Variants in DOCK11 observed in about 807,000 individuals in gnomAD.
The protein encoded by DOCK11 is dedicator of cytokinesis protein 11.
Under a neutral mutation model 169.1 loss-of-function variants are expected in DOCK11, and 70 were observed. The ratio of observed to expected loss-of-function variants is 0.41; its 90% confidence interval spans 0.34 to 0.51. The LOEUF is 0.51. Among genes scored for constraint, DOCK11 ranks in the 20% least tolerant of loss-of-function variants. DOCK11 has a pLI of 0.10. For synonymous variants in DOCK11, 529 were observed against 541.3 expected, an observed-to-expected ratio of 0.98 and a Z score of 0.32; for missense variants, 1,166 against 1,538.8, an observed-to-expected ratio of 0.76 and a Z score of 4.05.
chrX:118,503,300 A>G (rs907762122), intron 1 of DOCK11, among the ~76,000 whole-genome samples: 5 of 110,967 alleles, frequency 4.5e-5, no homozygotes, highest in Non-Finnish European at 9.4e-5. Flanking sequence ...ACCTCAGGTG[A>G]TCCACCCACC....
At chrX:118,667,844 C>T (rs989508483) in intron 45 of DOCK11, among the ~76,000 whole-genome samples, 1 of 111,124 alleles carries the variant, frequency 9.0e-6, no homozygotes, top group Non-Finnish European at 1.9e-5. Flanking sequence ...GGGTAGAAGT[C>T]TTGGGTTAGA....
rs376684103 is a variant in DOCK11 at position 118,568,067 on chromosome X, T to C, written c.952-12T>C. On this transcript the variant is annotated splice_polypyrimidine_tract_variant and intron_variant, in intron 9 of 52. Transcript: ENST00000276202. ...GGAAATGAAGTAACATACTTATTTT[T>C]TAAAATTTTAGTATGGAAGAGAAAC... 128 of 1,057,762 alleles carry C rather than the reference T, an allele frequency of 1.2e-4. No individual in the cohort carries two copies. The East Asian group carries it at 3.9e-3, about 32-fold the overall frequency. The allele number at this position is 1,057,762 out of a possible 1,213,427, so 87.2% of individuals were successfully genotyped here.
At chrX:118,652,364 A>G (rs2015967849) in intron 42 of DOCK11, among the ~76,000 whole-genome samples, 2 of 110,699 alleles carry the variant, frequency 1.8e-5, no homozygotes, top group South Asian at 7.5e-4. Flanking sequence ...TCTGGGCTTC[A>G]TTTCCAAACT....
At chrX:118,521,163 A>G (rs2011259797) in intron 1 of DOCK11, among the ~76,000 whole-genome samples, 1 of 112,432 alleles carries the variant, frequency 8.9e-6, no homozygotes. Context: ...TTTTGGTCAT[A>G]TAGCTAAGTG....
chrX:118,554,743 G>C (rs144693582), intron 6 of DOCK11, among the ~76,000 whole-genome samples: 21 of 111,483 alleles, frequency 1.9e-4, no homozygotes, highest in African/African-American at 6.5e-4. Flanking sequence ...GAGTGTGCCA[G>C]GCAATATGTA....
intron 44 of DOCK11, among the ~76,000 whole-genome samples, chrX:118,661,210 A>G (rs2016206048): frequency 1.1e-5 from 1 of 93,969 alleles, no homozygotes; most frequent in South Asian, 4.6e-4. Context: ...CTCTGTCTCC[A>G]AAAAAAAAAA....
At chrX:118,514,474 G>A (rs2057670096) in intron 1 of DOCK11, among the ~76,000 whole-genome samples, 1 of 110,700 alleles carries the variant, frequency 9.0e-6, no homozygotes, top group African/African-American at 3.3e-5. Flanking sequence ...TTGAGAGCGT[G>A]GGGGAGATTA....
intron 35 of DOCK11, chrX:118,632,619 C>T (rs1172433569): frequency 9.0e-6 from 1 of 110,735 alleles, no homozygotes; most frequent in Non-Finnish European, 1.9e-5. Context: ...CTTTCAAGTC[C>T]ACAATCTTGA....
chrX:118,567,597 T>A (rs1284727927), intron 9 of DOCK11, among the ~76,000 whole-genome samples: 1 of 110,590 alleles, frequency 9.0e-6, no homozygotes, highest in Non-Finnish European at 1.9e-5. Context: ...CACGCCCAGC[T>A]AATCTTTGTA....
intron 45 of DOCK11, among the ~76,000 whole-genome samples, chrX:118,665,093 T>A (rs1164243256): frequency 1.8e-5 from 2 of 111,929 alleles, no homozygotes; most frequent in Non-Finnish European, 1.9e-5. Context: ...AATAATACTA[T>A]CGTGGTCACT....
At chrX:118,639,855 A>G (rs1767542052) in intron 38 of DOCK11, among the ~76,000 whole-genome samples, 1 of 112,178 alleles carries the variant, frequency 8.9e-6, no homozygotes, top group African/African-American at 3.2e-5. Flanking sequence ...GATAAAATAC[A>G]CATGGATTTT....
Position 118,578,524 on chromosome X carries a change from G to T in DOCK11, c.1390-1G>T. On this transcript the variant is annotated splice_acceptor_variant, in intron 12 of 52. Transcript: ENST00000276202. LOFTEE classifies it high-confidence loss of function. ...GTCTAACGGAAGTACTTTTTTCCCA[G>T]GGAATTTTCTCAGTGACGAATCCAC... The T allele has an allele frequency of 8.3e-7, 1 of 1,206,784 alleles. No individual in the cohort carries two copies. The highest frequency in any genetic ancestry group is 1.8e-5 in the South Asian group (1 of 56,634).
chrX:118,656,279 AAATAAATAAATAAATG>A (rs1160556038), intron 44 of DOCK11, among the ~76,000 whole-genome samples: 39 of 110,719 alleles, frequency 3.5e-4, no homozygotes, highest in African/African-American at 1.1e-3. Flanking sequence ...ATAAATAAAT[AAATAAATAAATAAATG>A]AATAAATAAA....
At chrX:118,626,665 C>T (rs2015113154) in intron 32 of DOCK11, among the ~76,000 whole-genome samples, 1 of 111,658 alleles carries the variant, frequency 9.0e-6, no homozygotes, top group African/African-American at 3.3e-5. Flanking sequence ...GAGGACGTTG[C>T]TTTTAAGCTT....
At chrX:118,516,954 G>A in intron 1 of DOCK11, among the ~76,000 whole-genome samples, 1 of 111,978 alleles carries the variant, frequency 8.9e-6, no homozygotes, top group Non-Finnish European at 1.9e-5. Context: ...TGAAGCACGA[G>A]GAACAATGCC....
At chrX:118,554,032 T>C (rs1461513411) in intron 6 of DOCK11, among the ~76,000 whole-genome samples, 4 of 111,804 alleles carry the variant, frequency 3.6e-5, no homozygotes, top group Non-Finnish European at 5.6e-5. Context: ...AGACAAGGTC[T>C]TACTATATTG....
chrX:118,547,502 C>T (rs112313287), intron 6 of DOCK11, among the ~76,000 whole-genome samples: 4 of 112,273 alleles, frequency 3.6e-5, no homozygotes, highest in South Asian at 7.3e-4. Context: ...GGACTTAATA[C>T]GTACCAGACA....
chrX:118,547,143 A>C (rs778285913), intron 6 of DOCK11, among the ~76,000 whole-genome samples: 1 of 111,941 alleles, frequency 8.9e-6, no homozygotes, highest in Admixed American at 9.5e-5. Flanking sequence ...TTCTGAGCAG[A>C]AAAACAAATT....
At chrX:118,652,192 A>T in intron 42 of DOCK11, 115 bp downstream of exon 42, 1 of 464,108 alleles carries the variant, frequency 2.2e-6, no homozygotes, top group Non-Finnish European at 3.7e-6. Flanking sequence ...ACGGAATGTG[A>T]GTTTTATGAG....
Sources: allele counts gnomAD v4.1 joint callset (sites outside exome capture counted in the v4.1 genomes callset), GRCh38; gene constraint gnomAD v4.1.1; transcripts MANE v1.5; gene names NCBI Gene and HGNC (gene_info 2026-07-23, HGNC 2026-07-21).